GRM8: variants seen among roughly 807,000 people sequenced by gnomAD.
GRM8 encodes the protein glutamate metabotropic receptor 8, also known as metabotropic glutamate receptor 8.
Under a neutral mutation model 87.2 loss-of-function variants are expected in GRM8, and 47 were observed. That is an observed-to-expected ratio of 0.54 (90% CI 0.43 to 0.69). GRM8 has a LOEUF of 0.69. GRM8 is among the 30% of genes least tolerant of loss of function. GRM8 has a pLI of 0.00. For synonymous variants in GRM8, 396 were observed against 404.5 expected (o/e 0.98, Z 0.25); for missense variants, 1,019 against 1,139.2 (o/e 0.89, Z 1.52).
At chr7:126,584,939 T>C (rs1380374296) in intron 8 of GRM8, among the ~76,000 whole-genome samples, 2 of 152,170 alleles carry the variant, frequency 1.3e-5, no homozygotes, top group Non-Finnish European at 2.9e-5. Context: ...ATGTTAGTCT[T>C]AGTATTCATA....
intron 7 of GRM8, among the ~76,000 whole-genome samples, chr7:126,643,349 T>C (rs998825133): frequency 2.0e-5 from 2 of 98,274 alleles, no homozygotes; most frequent in Non-Finnish European, 3.9e-5. Flanking sequence ...TATATATATA[T>C]ATATATAGTT....
At chr7:126,506,393 G>A (rs1229219555) in intron 9 of GRM8, among the ~76,000 whole-genome samples, 2 of 151,942 alleles carry the variant, frequency 1.3e-5, no homozygotes, top group African/African-American at 4.8e-5. Flanking sequence ...TTCACGATGT[G>A]GACATTAGAT....
chr7:126,631,458 C>G (rs1007444111), intron 7 of GRM8, among the ~76,000 whole-genome samples: 4 of 151,762 alleles, frequency 2.6e-5, no homozygotes, highest in Non-Finnish European at 5.9e-5. Context: ...CCATACTGCC[C>G]AAAGCAATTT....
intron 3 of GRM8, among the ~76,000 whole-genome samples, chr7:126,907,093 A>C (rs2131259156): frequency 6.8e-6 from 1 of 147,316 alleles, no homozygotes; most frequent in African/African-American, 2.4e-5. Context: ...AGAAAGAAGA[A>C]GAGCAGGAGA....
intron 8 of GRM8, among the ~76,000 whole-genome samples, chr7:126,591,066 C>G (rs1340010873): frequency 1.3e-5 from 2 of 152,094 alleles, no homozygotes; most frequent in Non-Finnish European, 2.9e-5. Flanking sequence ...AAAAACTCCA[C>G]TTAAGAGATA....
rs142489798 is a variant in GRM8, at chr7:126,644,967, G to A, written c.1358-35469C>T. On this transcript the variant is annotated intron_variant, in intron 7 of 10. Transcript: ENST00000339582. The stretch of plus-strand genomic sequence containing the variant: ...AAAATCATGATAGCAAGAGAAGTCC[G>A]ACAGTGTTGACGCCATCTTACTTCT... Among the ~76,000 whole-genome samples, 73 of 152,328 alleles carry A rather than the reference G, an allele frequency of 4.8e-4. No individual in the cohort carries two copies. The East Asian group carries it at 0.011, about 23-fold the overall frequency.
intron 3 of GRM8, among the ~76,000 whole-genome samples, chr7:126,999,120 GCCAAGAA>G (rs1813466904): frequency 6.6e-6 from 1 of 151,354 alleles, no homozygotes; most frequent in Non-Finnish European, 1.5e-5. Context: ...CAACAAAGCT[GCCAAGAA>G]CATATATTGG....
At chr7:127,161,078 A>G (rs1793082332) in intron 2 of GRM8, among the ~76,000 whole-genome samples, 1 of 152,178 alleles carries the variant, frequency 6.6e-6, no homozygotes, top group Admixed American at 6.5e-5. Context: ...TTGCTTAAAC[A>G]TTCTTTATCA....
chr7:127,148,669 G>A (rs1375767871), intron 2 of GRM8, among the ~76,000 whole-genome samples: 1 of 151,968 alleles, frequency 6.6e-6, no homozygotes, highest in Non-Finnish European at 1.5e-5. Flanking sequence ...TCAGTAACAG[G>A]AAGAATCTTG....
chr7:127,137,165 C>T (rs1169869703), intron 2 of GRM8, among the ~76,000 whole-genome samples: 2 of 151,032 alleles, frequency 1.3e-5, no homozygotes, highest in Admixed American at 6.6e-5. Context: ...AAGATAAAAG[C>T]AGGACTGTTC....
chr7:126,999,285 T>C (rs1380145868), intron 3 of GRM8, among the ~76,000 whole-genome samples: 1 of 151,746 alleles, frequency 6.6e-6, no homozygotes, highest in Admixed American at 6.6e-5. Flanking sequence ...ACCATGAAAT[T>C]ACTATAAGAA....
intron 2 of GRM8, among the ~76,000 whole-genome samples, chr7:127,176,065 C>G (rs1196519187): frequency 6.6e-6 from 1 of 152,120 alleles, no homozygotes; most frequent in Admixed American, 6.6e-5. Context: ...ATGAGGGATA[C>G]TGTTATGAGT....
At chr7:127,199,165 G>T (rs1182619013) in intron 2 of GRM8, among the ~76,000 whole-genome samples, 4 of 150,762 alleles carry the variant, frequency 2.7e-5, no homozygotes, top group Non-Finnish European at 5.9e-5. Flanking sequence ...AGAGAGAGGG[G>T]TCTCACTATG....
intron 3 of GRM8, among the ~76,000 whole-genome samples, chr7:126,915,522 C>T (rs944627607): frequency 2.0e-5 from 3 of 152,122 alleles, no homozygotes; most frequent in African/African-American, 7.2e-5. Context: ...GATATAGAGT[C>T]GGCTGCAGAA....
At chr7:127,131,604 G>A (rs1462182570) in intron 2 of GRM8, among the ~76,000 whole-genome samples, 1 of 151,980 alleles carries the variant, frequency 6.6e-6, no homozygotes, top group Non-Finnish European at 1.5e-5. Flanking sequence ...CTGGTTTAAG[G>A]TATCTCACAG....
chr7:126,879,805 C>T (rs1335177334), intron 6 of GRM8, among the ~76,000 whole-genome samples: 1 of 152,050 alleles, frequency 6.6e-6, no homozygotes, highest in East Asian at 1.9e-4. Flanking sequence ...TATTATACTA[C>T]CATTTGTTTC....
chr7:127,110,389 G>A (rs1826237361), intron 2 of GRM8, among the ~76,000 whole-genome samples: 2 of 152,076 alleles, frequency 1.3e-5, no homozygotes, highest in South Asian at 4.2e-4. Flanking sequence ...CTCTACCACT[G>A]TCCCTAGGTG....
intron 2 of GRM8, among the ~76,000 whole-genome samples, chr7:127,121,614 G>A (rs955917497): frequency 2.0e-5 from 3 of 152,142 alleles, no homozygotes; most frequent in African/African-American, 7.2e-5. Flanking sequence ...AGTTCTGCAG[G>A]CTGTACAGGA....
intron 8 of GRM8, among the ~76,000 whole-genome samples, chr7:126,573,499 TA>T (rs1794858447): frequency 1.3e-5 from 2 of 152,104 alleles, no homozygotes; most frequent in East Asian, 3.9e-4. Flanking sequence ...ATCTCAAAAA[TA>T]TACAAAGCAA....
Sources: gnomAD v4.1 joint callset for allele counts (sites outside exome capture counted in the v4.1 genomes callset) on GRCh38, gnomAD v4.1.1 for gene constraint, MANE v1.5 for transcripts, NCBI Gene and HGNC (gene_info 2026-07-23, HGNC 2026-07-21) for gene names.